EDRF1: variants seen among roughly 807,000 people sequenced by gnomAD.
EDRF1 encodes erythroid differentiation-related factor 1.
EDRF1 carries 69 observed loss-of-function variants against 148.7 expected under a neutral mutation model. That is an observed-to-expected ratio of 0.46 (90% CI 0.38 to 0.57). The LOEUF is 0.57. Among genes scored for constraint, EDRF1 ranks in the 20% least tolerant of loss-of-function variants. EDRF1 has a pLI of 0.00. For missense variants in EDRF1, 1,118 were observed against 1,478.7 expected (o/e 0.76, Z 4.00); for synonymous variants, 515 against 532.8 (o/e 0.97, Z 0.46).
In EDRF1 at chr10:125,758,598, A is replaced by G. The variant is rs899870030; in HGVS notation, c.3546-4703A>G. Among the ~76,000 whole-genome samples, 79 of 152,114 alleles carry G rather than the reference A, an allele frequency of 5.2e-4. 1 individual carries two copies. The highest frequency in any genetic ancestry group is 1.8e-3 in the African/African-American group (75 of 41,418). The stretch of plus-strand genomic sequence containing the variant: ...TACCTTCCATGTACCACAGGCTTCA[A>G]GTTTTCCTAGCAGTCCTCGTGTGTA... On this transcript the variant is annotated intron_variant, in intron 24 of 24. Transcript: ENST00000356792.
At chr10:125,724,680 T>C (rs924263906) in intron 4 of EDRF1, among the ~76,000 whole-genome samples, 1 of 152,260 alleles carries the variant, frequency 6.6e-6, no homozygotes, top group African/African-American at 2.4e-5. Flanking sequence ...TCAAATTGTA[T>C]GTTGGTAAGG....
chr10:125,744,076 A>G (rs1206722624), intron 18 of EDRF1, among the ~76,000 whole-genome samples: 2 of 152,212 alleles, frequency 1.3e-5, no homozygotes, highest in African/African-American at 4.8e-5. Context: ...AACCATTCAC[A>G]TAAAGGTAAT....
At chr10:125,743,663 T>G (rs1314733442) in intron 18 of EDRF1, among the ~76,000 whole-genome samples, 2 of 152,164 alleles carry the variant, frequency 1.3e-5, no homozygotes, top group Non-Finnish European at 2.9e-5. Flanking sequence ...AATGGGAGAC[T>G]GGGGAAATAA....
chr10:125,740,902 CA>C (rs1284701588), intron 16 of EDRF1, 98 bp from the exon 17 acceptor site: 57 of 1,296,154 alleles, frequency 4.4e-5, no homozygotes, highest in Non-Finnish European at 1.2e-5. Context: ...TACAGTGCTA[CA>C]AAGCGTTCAG....
At chr10:125,723,656 G>A (rs1417668646) in intron 3 of EDRF1, among the ~76,000 whole-genome samples, 155 bp from the exon 4 acceptor site, 1 of 152,144 alleles carries the variant, frequency 6.6e-6, no homozygotes, top group Non-Finnish European at 1.5e-5. Context: ...CGTCCTCTGT[G>A]TGTTTGCATG....
At position 125,726,013 on chromosome 10, in the gene EDRF1, T is replaced by C. The variant is rs937320664; in HGVS notation, c.792+175T>C. 7.6e-6 allele frequency: 6 copies of C among 789,592 alleles called. No individual in the cohort carries two copies. In the African/African-American group the frequency reaches 8.8e-5, roughly 12 times the overall value. 48.9% of individuals were successfully genotyped at this position (789,592 alleles called of 1,614,324 possible). A position where few individuals can be genotyped will look rare whatever the true frequency, so the allele number is the denominator to read the frequency against. ...AATTGGAGAAATACTTTTTAGTTTTTCGCAATAGAATTTACAAGAGCTATT... is the reference window on the plus strand; with the variant it reads ...AATTGGAGAAATACTTTTTAGTTTTCCGCAATAGAATTTACAAGAGCTATT... On this transcript the variant is annotated intron_variant, in intron 6 of 24. Coordinates refer to ENST00000356792, the MANE Select transcript of EDRF1 (RefSeq NM_001202438.2).
rs146285412 is a variant in EDRF1, at chr10:125,763,193, T to C, written c.3546-108T>C. On this transcript the variant is annotated intron_variant, in intron 24 of 24. Coordinates refer to ENST00000356792, the MANE Select transcript of EDRF1 (RefSeq NM_001202438.2). This position sits in a 1 kb window ranked among gnomAD's most constrained non-coding sequence, Gnocchi z 4.3. ...CCGGCAGGAGAGGAATGCCTGCTGC[T>C]CTGTGAAGAGTGACTGTTGGGCTGT... is the stretch of plus-strand genomic sequence containing the variant. 592 of 1,106,214 alleles carry C rather than the reference T, an allele frequency of 5.4e-4. 2 individuals carry two copies. In the African/African-American group the frequency reaches 8.1e-3, roughly 15 times the overall value. The allele number at this position is 1,106,214 out of a possible 1,614,324, so 68.5% of individuals were successfully genotyped here.
chr10:125,743,362 C>T, intron 18 of EDRF1, 86 bp downstream of exon 18: 1 of 1,129,570 alleles, frequency 8.9e-7, no homozygotes, highest in Non-Finnish European at 1.3e-6. Context: ...AGAACTGTGG[C>T]ACTTGATTTT....
intron 18 of EDRF1, 134 bp downstream of exon 18, chr10:125,743,410 T>G: frequency 1.4e-6 from 1 of 708,172 alleles, no homozygotes; most frequent in Non-Finnish European, 2.5e-6. Flanking sequence ...AACCTCTTAT[T>G]ATTCTTAAGA....
chr10:125,738,118 A>G, intron 14 of EDRF1, 129 bp downstream of exon 14: 2 of 1,343,884 alleles, frequency 1.5e-6, no homozygotes, highest in Non-Finnish European at 1.1e-6. Flanking sequence ...CCTTAAGCAT[A>G]AAGTGAAAAT....
rs1303324239 is a variant in EDRF1, at chr10:125,740,563, G to A, written c.2082G>A (p.Lys694=). ...TTCAGCTGATTCTCAAGTCATCAAA[G>A]GCCTATTATGTTTTGTCCGATGCTG... The part of the protein sequence containing the change: ...MKLQLILKSS[K]AYYVLSDAAM... Residue 694 remains lysine, a synonymous_variant, in exon 16 of 25, where the codon AAG becomes AAA. Coordinates refer to ENST00000356792, the MANE Select transcript of EDRF1 (RefSeq NM_001202438.2). 1.2e-6 allele frequency: 2 copies of A among 1,614,048 alleles called. No homozygotes were observed. The highest frequency in any genetic ancestry group is 1.3e-5 in the African/African-American group (1 of 75,018).
Position 125,747,502 on chromosome 10 carries a change from G to A in EDRF1, c.2815-34G>A, listed in dbSNP as rs112946598. ...TGCAGTATTGGTATATGTTTAAGCT[G>A]AGTCAGAAATGTACACTGTTTTCTC... On this transcript the variant is annotated intron_variant, in intron 19 of 24. Transcript: ENST00000356792. 1.2e-4 allele frequency: 200 copies of A among 1,612,868 alleles called. 2 individuals are homozygous for A. In the African/African-American group the frequency reaches 1.9e-3, roughly 16 times the overall value.
chr10:125,751,365 A>G (rs539934874), intron 22 of EDRF1, among the ~76,000 whole-genome samples: 1 of 149,058 alleles, frequency 6.7e-6, no homozygotes, highest in East Asian at 2.0e-4. Flanking sequence ...TAAATGCTCT[A>G]GTTTGTGACA....
intron 24 of EDRF1, among the ~76,000 whole-genome samples, chr10:125,754,242 A>G (rs1849784967): frequency 6.6e-6 from 1 of 152,042 alleles, no homozygotes; most frequent in South Asian, 2.1e-4. Flanking sequence ...GAAAGAAAGA[A>G]AAAAATAGGT....
rs563151262 is a variant in EDRF1, at chr10:125,744,246, T to C, written c.2590+970T>C. Among the ~76,000 whole-genome samples the C allele has an allele frequency of 4.3e-3, 641 of 149,338 alleles. 30 individuals are homozygous for C. In the East Asian group the frequency reaches 0.089, roughly 21 times the overall value. ...TTTTTTTTTTTTTTTTGAGACAGGG[T>C]TTTACTCTGTCGCGCAGGCTAGAAT... On this transcript the variant is annotated intron_variant, in intron 18 of 24. Transcript: ENST00000356792.
intron 7 of EDRF1, 73 bp downstream of exon 7, chr10:125,729,177 C>T (rs957425185): frequency 4.3e-5 from 64 of 1,482,378 alleles, no homozygotes; most frequent in East Asian, 2.0e-4. Context: ...TAGCCTAAGT[C>T]GAAATTGATA....
At chr10:125,729,255 ACTTTGTCTT>A in intron 7 of EDRF1, 94 bp from the exon 8 acceptor site, 1 of 1,511,338 alleles carries the variant, frequency 6.6e-7, no homozygotes, top group Non-Finnish European at 9.1e-7. Flanking sequence ...CTGGGGCCTG[ACTTTGTCTT>A]CTTTGTCTCT....
intron 11 of EDRF1, 120 bp from the exon 12 acceptor site, chr10:125,733,952 G>T (rs1848604011): frequency 4.2e-6 from 4 of 954,018 alleles, no homozygotes; most frequent in African/African-American, 1.6e-5. Flanking sequence ...AAAGTGTAAA[G>T]TTTAGTATTT....
chr10:125,719,845 C>G lies in EDRF1; in HGVS notation c.38C>G (p.Pro13Arg), dbSNP rs1847893409. The change falls in exon 1 of 25, where the codon CCG (proline) becomes CGG (arginine). Residue 13 changes from proline (P) to arginine (R), a missense_variant. Transcript: ENST00000356792. Reference sequence around the variant, plus strand: ...AAGGAGGCCGGAGCCGAGGGTCCGCCGGCCGGGGCCGCCGCTCGAGGAGGG... The same window carrying G: ...AAGGAGGCCGGAGCCGAGGGTCCGCGGGCCGGGGCCGCCGCTCGAGGAGGG... Reference protein sequence around the residue: ...DAKEAGAEGPPAGAAARGGLS... With the variant: ...DAKEAGAEGPRAGAAARGGLS... 1.9e-6 allele frequency: 3 copies of G among 1,612,074 alleles called. No individual in the cohort carries two copies. The African/African-American group carries it at 4.0e-5, about 22-fold the overall frequency.
Sources: allele counts gnomAD v4.1 joint callset (sites outside exome capture counted in the v4.1 genomes callset), GRCh38; gene constraint gnomAD v4.1.1; non-coding constraint Gnocchi (gnomAD v3.1); transcripts MANE v1.5; gene names NCBI Gene and HGNC (gene_info 2026-07-23, HGNC 2026-07-21).